NLGN4X: variants seen among roughly 807,000 people sequenced by gnomAD.
The protein encoded by NLGN4X is neuroligin 4 X-linked, also known as neuroligin-4, X-linked.
In NLGN4X, 3 loss-of-function variants were observed where a neutral mutation model predicts 40.3. The ratio of observed to expected loss-of-function variants is 0.07; its 90% CI spans 0.03 to 0.19. The LOEUF is 0.19. Ranked by LOEUF, NLGN4X falls within the 10% of genes least tolerant of loss-of-function variation. NLGN4X has a pLI of 1.00. For missense variants in NLGN4X, 382 were observed against 708.3 expected (o/e 0.54, Z 5.23); for synonymous variants, 270 against 306.8 (o/e 0.88, Z 1.25).
intron 2 of NLGN4X, among the ~76,000 whole-genome samples, chrX:6,139,239 G>C (rs2039888627): frequency 8.9e-6 from 1 of 111,854 alleles, no homozygotes; most frequent in Non-Finnish European, 1.9e-5. Flanking sequence ...AAGTATATTT[G>C]AATTTGGTAA....
intron 3 of NLGN4X, among the ~76,000 whole-genome samples, chrX:5,935,217 G>T: frequency 8.9e-6 from 1 of 111,947 alleles, no homozygotes; most frequent in Admixed American, 9.5e-5. Flanking sequence ...TTTGCTACAT[G>T]AAAAAATTAA....
intron 2 of NLGN4X, among the ~76,000 whole-genome samples, chrX:6,068,134 T>A (rs762864728): frequency 2.7e-5 from 3 of 111,814 alleles, no homozygotes; most frequent in African/African-American, 9.7e-5. Context: ...AAGCCCAAAC[T>A]GAGGTCTTTA....
intron 1 of NLGN4X, among the ~76,000 whole-genome samples, chrX:6,152,120 C>T (rs1392269964): frequency 9.0e-6 from 1 of 110,587 alleles, no homozygotes; most frequent in Non-Finnish European, 1.9e-5. Flanking sequence ...CCGGCTAATT[C>T]GTTGGATTTT....
chrX:6,028,662 G>GA lies in NLGN4X; in HGVS notation c.625+617dup, dbSNP rs61696018. Among the ~76,000 whole-genome samples the GA allele has an allele frequency of 8.1e-3, 576 of 70,852 alleles. 5 individuals carry two copies. The highest frequency in any genetic ancestry group is 0.02 in the African/African-American group (436 of 21,883). 61.5% of individuals were successfully genotyped at this position (70,852 alleles called of 115,157 possible). On this transcript the variant is annotated intron_variant, in intron 3 of 5. Coordinates refer to ENST00000381095, the MANE Select transcript of NLGN4X (RefSeq NM_181332.3). ...CGACAGAGTGAGATTCCATCTCAAA[G>GA]AAAAAAAAAAAAAAGAAAGAAAGAA...
intron 2 of NLGN4X, among the ~76,000 whole-genome samples, chrX:6,055,205 A>C (rs1041016612): frequency 8.9e-6 from 1 of 112,143 alleles, no homozygotes; most frequent in African/African-American, 3.2e-5. Flanking sequence ...TTAAAGATCA[A>C]GCATTGGGGC....
At chrX:5,967,790 A>T (rs2034877662) in intron 3 of NLGN4X, among the ~76,000 whole-genome samples, 1 of 111,215 alleles carries the variant, frequency 9.0e-6, no homozygotes, top group Non-Finnish European at 1.9e-5. Flanking sequence ...CACACAGGAA[A>T]GGTTACTTCC....
At position 6,107,672 on chromosome X, in the gene NLGN4X, T is replaced by C. The variant is rs550506720; in HGVS notation, c.472+43323A>G. Among the ~76,000 whole-genome samples, 16 of 111,807 alleles carry C rather than the reference T, an allele frequency of 1.4e-4. No individual in the cohort carries two copies. In the South Asian group the frequency reaches 1.5e-3, roughly 11 times the overall value. Reference sequence around the variant, plus strand: ...ACACAAAGAGTGAACATTGTACCCATAGGTTAATTTTTCAACCCTCACCCC... The same window carrying C: ...ACACAAAGAGTGAACATTGTACCCACAGGTTAATTTTTCAACCCTCACCCC... On this transcript the variant is annotated intron_variant, in intron 2 of 5. Transcript: ENST00000381095.
At chrX:5,984,722 G>A (rs1017202705) in intron 3 of NLGN4X, among the ~76,000 whole-genome samples, 16 of 112,215 alleles carry the variant, frequency 1.4e-4, no homozygotes, top group African/African-American at 5.2e-4. Context: ...CAGAGAATAG[G>A]AGAATGATTT....
At chrX:5,969,242 C>A (rs1055999607) in intron 3 of NLGN4X, among the ~76,000 whole-genome samples, 35 of 111,098 alleles carry the variant, frequency 3.2e-4, no homozygotes, top group African/African-American at 1.1e-3. Flanking sequence ...AGGCAACCTA[C>A]AAAATGGGAG....
At chrX:6,127,577 C>T (rs1392302403) in intron 2 of NLGN4X, among the ~76,000 whole-genome samples, 1 of 112,265 alleles carries the variant, frequency 8.9e-6, no homozygotes, top group Non-Finnish European at 1.9e-5. Flanking sequence ...CCATTGCACT[C>T]CAGCCTGGGC....
At chrX:5,946,218 G>C (rs2034116135) in intron 3 of NLGN4X, among the ~76,000 whole-genome samples, 1 of 111,126 alleles carries the variant, frequency 9.0e-6, no homozygotes, top group African/African-American at 3.3e-5. Flanking sequence ...ATCTAGCTGT[G>C]GCAACCAAAA....
chrX:6,212,002 T>C (rs1453301171), intron 1 of NLGN4X, among the ~76,000 whole-genome samples: 3 of 111,322 alleles, frequency 2.7e-5, no homozygotes, highest in Non-Finnish European at 5.7e-5. Context: ...TCCCAGCACG[T>C]CAGGAGGTTG....
At chrX:5,927,612 C>T (rs2033384628) in intron 3 of NLGN4X, among the ~76,000 whole-genome samples, 1 of 112,197 alleles carries the variant, frequency 8.9e-6, no homozygotes. Flanking sequence ...AAAACCAGTC[C>T]TTCAAAAAGA....
intron 3 of NLGN4X, among the ~76,000 whole-genome samples, chrX:5,925,827 TATATATATATATATATACATACAC>T (rs1167874358): frequency 0.13 from 9,267 of 73,075 alleles, 674 homozygotes; most frequent in African/African-American, 0.2. Context: ...AATCCCACCA[TATATATATATATATATACATACAC>T]ATATATATAT....
Position 5,893,040 on chromosome X carries a change from C to T in NLGN4X, c.2228G>A (p.Cys743Tyr). Residue 743 changes from cysteine to tyrosine, a missense_variant, in exon 6 of 6, where the codon TGT (cysteine) becomes TAT (tyrosine). By Grantham distance (194) the Cys-to-Tyr change is radical. This residue lies in a region of NLGN4X where 57 missense variants were observed against 65.6 expected (regional missense o/e 0.87). Coordinates refer to ENST00000381095, the MANE Select transcript of NLGN4X (RefSeq NM_181332.3). ...TGTGTCGTGTGCCTGCAGCGACTCA[C>T]ACTCGTGATCGTGTTCCAGCTGCTT... ...QMKQLEHDHECESLQAHDTLR... is the reference protein window; with the variant it reads ...QMKQLEHDHEYESLQAHDTLR... 1 of 1,211,307 alleles carries T rather than the reference C, an allele frequency of 8.3e-7. No homozygotes were observed. The highest frequency in any genetic ancestry group is 1.1e-6 in the Non-Finnish European group (1 of 895,455).
chrX:5,982,060 T>C (rs1372372146), intron 3 of NLGN4X, among the ~76,000 whole-genome samples: 2 of 112,229 alleles, frequency 1.8e-5, no homozygotes, highest in Non-Finnish European at 3.8e-5. Context: ...ATTTCTAAAA[T>C]GGCTTTTAAT....
intron 2 of NLGN4X, among the ~76,000 whole-genome samples, chrX:6,150,224 T>A (rs1465095539): frequency 8.9e-6 from 1 of 112,353 alleles, no homozygotes; most frequent in African/African-American, 3.2e-5. Context: ...TCCAAGGAAA[T>A]CTGAATTTGA....
At position 6,146,036 on chromosome X, in the gene NLGN4X, G is replaced by C. The variant is rs761351654; in HGVS notation, c.472+4959C>G. Among the ~76,000 whole-genome samples, 6 of 109,190 alleles carry C rather than the reference G, an allele frequency of 5.5e-5. No individual in the cohort carries two copies. The South Asian group carries it at 2.4e-3, about 44-fold the overall frequency. The allele number at this position is 109,190 out of a possible 115,157, so 94.8% of individuals were successfully genotyped here. On this transcript the variant is annotated intron_variant, in intron 2 of 5. Coordinates refer to ENST00000381095, the MANE Select transcript of NLGN4X (RefSeq NM_181332.3). ...AAGCTGAGATGGAAGGATCCCTTGA[G>C]CCCAGGAGGTTGAGGCTGCAGGGAG...
At chrX:6,045,898 A>G (rs996398784) in intron 2 of NLGN4X, among the ~76,000 whole-genome samples, 13 of 111,597 alleles carry the variant, frequency 1.2e-4, no homozygotes, top group African/African-American at 3.9e-4. Context: ...TATCAGAAAG[A>G]AGGAGACAAA....
Sources: allele counts gnomAD v4.1 joint callset (sites outside exome capture counted in the v4.1 genomes callset), GRCh38; gene constraint gnomAD v4.1.1; regional missense constraint gnomAD v4.1.1; transcripts MANE v1.5; gene names NCBI Gene and HGNC (gene_info 2026-07-23, HGNC 2026-07-21).